Variants in CLDN10 observed in about 807,000 individuals in gnomAD.
CLDN10 encodes the protein claudin 10.
Under a neutral mutation model 22.9 loss-of-function variants are expected in CLDN10, and 15 were observed. That is an observed-to-expected ratio of 0.65 (90% CI 0.44 to 1.01). The LOEUF is 1.01. Among genes scored for constraint, CLDN10 ranks in the 50% least tolerant of loss-of-function variants. The pLI is 0.00. For synonymous variants in CLDN10, 114 were observed against 111.4 expected (o/e 1.02, Z -0.15); for missense variants, 247 against 287.8 (o/e 0.86, Z 1.03).
At chr13:95,519,380 G>A (rs2043202574) in intron 1 of CLDN10, among the ~76,000 whole-genome samples, 1 of 152,146 alleles carries the variant, frequency 6.6e-6, no homozygotes, top group Non-Finnish European at 1.5e-5. Context: ...TTGCATCCAT[G>A]CTTGCTGCTT....
chr13:95,516,388 G>C (rs192090232), intron 1 of CLDN10, among the ~76,000 whole-genome samples: 36 of 152,240 alleles, frequency 2.4e-4, no homozygotes, highest in African/African-American at 8.4e-4. Context: ...TGGATCCACA[G>C]AGACCGAGCA....
At chr13:95,517,952 AAAG>A (rs2043187631) in intron 1 of CLDN10, among the ~76,000 whole-genome samples, 1 of 149,070 alleles carries the variant, frequency 6.7e-6, no homozygotes, top group East Asian at 2.0e-4. Flanking sequence ...AAAAAAAAAA[AAAG>A]AGAGATTGAG....
chr13:95,502,312 C>T (rs2138541157), intron 1 of CLDN10, among the ~76,000 whole-genome samples: 1 of 152,260 alleles, frequency 6.6e-6, no homozygotes, highest in South Asian at 2.1e-4. Context: ...TGTCCTCCCA[C>T]CTGCTTAATT....
intron 3 of CLDN10, among the ~76,000 whole-genome samples, chr13:95,574,356 T>C (rs1184434198): frequency 6.6e-6 from 1 of 152,230 alleles, no homozygotes; most frequent in Non-Finnish European, 1.5e-5. Context: ...GTATGGTTTC[T>C]GAAATCATCT....
chr13:95,437,671 T>C (rs1247900392), intron 1 of CLDN10, among the ~76,000 whole-genome samples: 1 of 152,054 alleles, frequency 6.6e-6, no homozygotes, highest in Non-Finnish European at 1.5e-5. Flanking sequence ...AGACTACAGA[T>C]GGTTCGCGAT....
chr13:95,474,849 G>T (rs2042669795), intron 1 of CLDN10, among the ~76,000 whole-genome samples: 1 of 152,176 alleles, frequency 6.6e-6, no homozygotes, highest in Non-Finnish European at 1.5e-5. Flanking sequence ...GGTGGGGCAG[G>T]CGTGGAGCCA....
intron 1 of CLDN10, among the ~76,000 whole-genome samples, chr13:95,481,869 A>G (rs933039050): frequency 3.9e-5 from 6 of 152,096 alleles, no homozygotes; most frequent in Non-Finnish European, 1.5e-5. Flanking sequence ...AAAATACAAA[A>G]TTAGCTGGGT....
At chr13:95,439,345 A>ATTT (rs759554295) in intron 1 of CLDN10, among the ~76,000 whole-genome samples, 1 of 122,994 alleles carries the variant, frequency 8.1e-6, no homozygotes, top group Non-Finnish European at 1.8e-5. Flanking sequence ...TTTTTATGTT[A>ATTT]TTATTATTTT....
chr13:95,560,781 G>A (rs1255421324), intron 3 of CLDN10: 2 of 262,852 alleles, frequency 7.6e-6, no homozygotes, highest in Non-Finnish European at 1.5e-5. Flanking sequence ...AGACGGAGAG[G>A]AAAGAATGAT....
chr13:95,536,232 C>A (rs1253048111), intron 1 of CLDN10, among the ~76,000 whole-genome samples: 1 of 150,222 alleles, frequency 6.7e-6, no homozygotes, highest in Non-Finnish European at 1.5e-5. Context: ...AGAAAGATCA[C>A]CTGAGGTCAG....
chr13:95,488,069 T>A (rs1474793948), intron 1 of CLDN10, among the ~76,000 whole-genome samples: 1 of 151,220 alleles, frequency 6.6e-6, no homozygotes, highest in Non-Finnish European at 1.5e-5. Context: ...CACCACAACC[T>A]CCACCTCCCG....
chr13:95,434,406 A>T (rs2042242931), intron 1 of CLDN10, among the ~76,000 whole-genome samples: 1 of 149,824 alleles, frequency 6.7e-6, no homozygotes, highest in Non-Finnish European at 1.5e-5. Context: ...CATTGATTTA[A>T]ACTTGTCTCT....
chr13:95,499,081 T>G (rs1182685300), intron 1 of CLDN10, among the ~76,000 whole-genome samples: 2 of 152,242 alleles, frequency 1.3e-5, no homozygotes, highest in Non-Finnish European at 2.9e-5. Flanking sequence ...CTGAATAACA[T>G]TCCATCGTAT....
At chr13:95,515,169 G>A (rs2043150378) in intron 1 of CLDN10, among the ~76,000 whole-genome samples, 1 of 131,028 alleles carries the variant, frequency 7.6e-6, no homozygotes, top group African/African-American at 2.8e-5. Flanking sequence ...CACTGCACCT[G>A]GCTAATTACG....
At chr13:95,471,453 A>ATATATTTT (rs776857009) in intron 1 of CLDN10, among the ~76,000 whole-genome samples, 3,677 of 105,892 alleles carry the variant, frequency 0.035, 132 homozygotes, top group East Asian at 0.094. Flanking sequence ...ATATATATAT[A>ATATATTTT]TTTTTTTTTT....
chr13:95,548,717 T>C (rs2043534764), upstream of CLDN10, among the ~76,000 whole-genome samples: 1 of 152,236 alleles, frequency 6.6e-6, no homozygotes. Context: ...TTTAATGTGA[T>C]GTAACAATAC....
At chr13:95,556,847 T>C (rs1288435449) in intron 1 of CLDN10, among the ~76,000 whole-genome samples, 5 of 152,254 alleles carry the variant, frequency 3.3e-5, no homozygotes, top group Non-Finnish European at 5.9e-5. Context: ...GTGGATGTTT[T>C]CGTTTTTTGC....
At position 95,460,473 on chromosome 13, in the gene CLDN10, G is replaced by A. The variant is rs563857064; in HGVS notation, c.214+26426G>A. On this transcript the variant is annotated intron_variant, in intron 1 of 4. Coordinates refer to the CLDN10 transcript ENST00000376873. ...AGGCCTCAGCAAACTTACAATCATG[G>A]TAGAAGGCGAAAAAGCCACCTTCTT... is the stretch of plus-strand genomic sequence containing the variant. Among the ~76,000 whole-genome samples the A allele has an allele frequency of 3.9e-5, 6 of 152,236 alleles. No individual in the cohort carries two copies. In the South Asian group the frequency reaches 1.2e-3, roughly 32 times the overall value.
chr13:95,482,346 C>T (rs7990054), intron 1 of CLDN10, among the ~76,000 whole-genome samples: 85,209 of 151,784 alleles, frequency 0.56, 24,801 homozygotes, highest in African/African-American at 0.72. Context: ...GTTTGTTGAC[C>T]CCTTCTCTAA....
Sources: gnomAD v4.1 joint callset for allele counts (sites outside exome capture counted in the v4.1 genomes callset) on GRCh38, gnomAD v4.1.1 for gene constraint, MANE v1.5 for transcripts, NCBI Gene and HGNC (gene_info 2026-07-23, HGNC 2026-07-21) for gene names.